Variants in TRIM55 observed in about 807,000 individuals in gnomAD.
TRIM55 encodes tripartite motif-containing protein 55.
TRIM55 carries 50 observed loss-of-function variants against 60.9 expected under a neutral mutation model. The observed-to-expected ratio is 0.82, with a 90% CI of 0.65 to 1.04. The LOEUF (loss-of-function observed/expected upper bound fraction) is 1.04. Ranked by LOEUF, TRIM55 falls within the 50% of genes least tolerant of loss-of-function variation. The pLI, the probability that TRIM55 is intolerant of heterozygous loss-of-function variation, is 0.00. For missense variants in TRIM55, 681 were observed against 666.9 expected (o/e 1.02, Z -0.23); for synonymous variants, 237 against 238.1 (o/e 1.00, Z 0.04).
chr8:66,135,176 C>T lies in TRIM55; in HGVS notation c.507+21C>T, dbSNP rs759504790. The T allele has an allele frequency of 3.7e-6, 6 of 1,613,816 alleles. No homozygotes were observed. In the East Asian group the frequency reaches 8.9e-5, roughly 24 times the overall value. On this transcript the variant is annotated intron_variant, in intron 3 of 9. Transcript: ENST00000315962. ...AGAAGGTAACAGAGCTGCTCCCTCC[C>T]TCCCGCAACCCCTCCCCATCCCCAC... is the stretch of plus-strand genomic sequence containing the variant.
chr8:66,162,108 G>C (rs1811085797), intron 9 of TRIM55, among the ~76,000 whole-genome samples: 1 of 151,944 alleles, frequency 6.6e-6, no homozygotes, highest in Non-Finnish European at 1.5e-5. Context: ...TTCTCAGGGG[G>C]GATGCTTTCA....
chr8:66,128,355 G>T lies in TRIM55; in HGVS notation c.220G>T (p.Gly74Cys), dbSNP rs1456913546. 6.2e-7 allele frequency: 1 copy of T among 1,613,462 alleles called. No individual in the cohort carries two copies. Among genetic ancestry groups the T allele is most frequent in the Non-Finnish European group, 8.5e-7 (1 of 1,179,670 alleles). ...TRGGTTMASG[G>C]RFRCPSCRHE... The stretch of plus-strand genomic sequence containing the variant: ...AGGAGGTACCACCATGGCATCAGGG[G>T]GCCGATTCCGCTGCCCATCCTGTAG... Residue 74 changes from glycine (G) to cysteine (C), a missense_variant, in exon 2 of 10, where the codon GGC (glycine) becomes TGC (cysteine). Transcript: ENST00000315962.
chr8:66,154,481 T>C, intron 9 of TRIM55, 147 bp downstream of exon 9: 1 of 893,960 alleles, frequency 1.1e-6, no homozygotes, highest in Non-Finnish European at 1.7e-6. Flanking sequence ...CATCCCCCAA[T>C]GTTGGCTTGT....
At position 66,150,233 on chromosome 8, in the gene TRIM55, T is replaced by TA. The variant is rs1354534266; in HGVS notation, c.860dup (p.Ile288AsnfsTer18). 1.9e-6 allele frequency: 3 copies of TA among 1,613,172 alleles called. No homozygotes were observed. Among genetic ancestry groups the TA allele is most frequent in the Non-Finnish European group, 1.7e-6 (2 of 1,179,490 alleles). Reference sequence around the variant, plus strand: ...CTTTCACAGAATGCCAAAACCCTGCTAAAAAAGTAAGAACTTTTTATTTTA... The same window carrying TA: ...CTTTCACAGAATGCCAAAACCCTGCTAAAAAAAGTAAGAACTTTTTATTTTA... On this transcript the variant is annotated frameshift_variant, in exon 6 of 10. Coordinates refer to ENST00000315962, the MANE Select transcript of TRIM55 (RefSeq NM_184085.2). LOFTEE classifies it high-confidence loss of function.
At chr8:66,157,665 G>C (rs1477512935) in intron 9 of TRIM55, among the ~76,000 whole-genome samples, 1 of 152,176 alleles carries the variant, frequency 6.6e-6, no homozygotes, top group African/African-American at 2.4e-5. Flanking sequence ...TTGCTGATCT[G>C]TAAACTACAT....
At chr8:66,130,926 G>A (rs1211961376) in intron 2 of TRIM55, among the ~76,000 whole-genome samples, 1 of 152,016 alleles carries the variant, frequency 6.6e-6, no homozygotes, top group Non-Finnish European at 1.5e-5. Context: ...TTCCCAAAGT[G>A]CTAGGATTAC....
At chr8:66,135,202 A>G in intron 3 of TRIM55, 47 bp downstream of exon 3, 1 of 1,596,938 alleles carries the variant, frequency 6.3e-7, no homozygotes, top group Non-Finnish European at 8.6e-7. Flanking sequence ...CCATCCCCAC[A>G]CCTTAGGGCC....
intron 9 of TRIM55, among the ~76,000 whole-genome samples, chr8:66,172,122 G>A (rs1329562344): frequency 6.6e-6 from 1 of 152,106 alleles, no homozygotes; most frequent in Non-Finnish European, 1.5e-5. Flanking sequence ...TAATATAAGT[G>A]AGGCATGTGT....
At chr8:66,114,518 C>A in the TRIM55 span, 1 of 456,196 alleles carries the variant, frequency 2.2e-6, no homozygotes, top group Non-Finnish European at 4.4e-6. Context: ...TGTATTATCA[C>A]TCAGAATCCT....
At position 66,127,230 on chromosome 8, in the gene TRIM55, G is replaced by A; in HGVS notation, c.-39G>A. On this transcript the variant is annotated 5_prime_UTR_variant, in exon 1 of 10. Coordinates refer to ENST00000315962, the MANE Select transcript of TRIM55 (RefSeq NM_184085.2). ...GAAACACTTGCTGGAGCCACTCGCA[G>A]CACCCTTCCCTGGCAGCACACTTGG... The A allele has an allele frequency of 6.3e-7, 1 of 1,592,426 alleles. No individual in the cohort carries two copies. The highest frequency in any genetic ancestry group is 1.1e-5 in the South Asian group (1 of 88,754).
chr8:66,154,853 G>T (rs1008843167), intron 9 of TRIM55, among the ~76,000 whole-genome samples: 6 of 152,226 alleles, frequency 3.9e-5, no homozygotes, highest in Admixed American at 3.9e-4. Context: ...GACAGAGACA[G>T]TCTTGGCTTG....
At chr8:66,130,354 C>T (rs1809065746) in intron 2 of TRIM55, among the ~76,000 whole-genome samples, 1 of 152,188 alleles carries the variant, frequency 6.6e-6, no homozygotes. Flanking sequence ...GAACTTGAGA[C>T]TTTCCTGTGG....
intron 6 of TRIM55, 30 bp from the exon 7 acceptor site, chr8:66,150,312 A>T: frequency 6.2e-7 from 1 of 1,614,130 alleles, no homozygotes; most frequent in Non-Finnish European, 8.5e-7. Context: ...TTCAACAGTG[A>T]CAGAAAGTGG....
At chr8:66,127,852 CA>C (rs1808907743) in intron 1 of TRIM55, among the ~76,000 whole-genome samples, 1 of 152,040 alleles carries the variant, frequency 6.6e-6, no homozygotes, top group East Asian at 1.9e-4. Flanking sequence ...GAAAAACAAA[CA>C]AACAAAAAAA....
At chr8:66,139,010 C>T (rs1296167506) in intron 4 of TRIM55, among the ~76,000 whole-genome samples, 3 of 152,158 alleles carry the variant, frequency 2.0e-5, no homozygotes, top group African/African-American at 7.2e-5. Context: ...TTCTTCTCCA[C>T]ACTCATATTC....
chr8:66,146,009 CAT>C (rs2128978479), intron 4 of TRIM55, among the ~76,000 whole-genome samples: 1 of 152,314 alleles, frequency 6.6e-6, no homozygotes, highest in African/African-American at 2.4e-5. Flanking sequence ...TCAGTTTCCA[CAT>C]GAGTGACATG....
chr8:66,148,554 A>T (rs1810230064), intron 4 of TRIM55, among the ~76,000 whole-genome samples: 1 of 152,338 alleles, frequency 6.6e-6, no homozygotes, highest in South Asian at 2.1e-4. Context: ...TGCAGTGGTG[A>T]CTTGGGGAAG....
Position 66,128,363 on chromosome 8 carries a change from C to G in TRIM55, c.228C>G (p.Phe76Leu), listed in dbSNP as rs781375784. 1 of 1,613,636 alleles carries G rather than the reference C, an allele frequency of 6.2e-7. No individual in the cohort carries two copies. Among genetic ancestry groups the G allele is most frequent in the Non-Finnish European group, 8.5e-7 (1 of 1,179,774 alleles). The change falls in exon 2 of 10, where the codon TTC (phenylalanine) becomes TTG (leucine). Residue 76 changes from phenylalanine to leucine, a missense_variant. Transcript: ENST00000315962. ...CCACCATGGCATCAGGGGGCCGATTCCGCTGCCCATCCTGTAGACATGAAG... is the reference window on the plus strand; with the variant it reads ...CCACCATGGCATCAGGGGGCCGATTGCGCTGCCCATCCTGTAGACATGAAG... ...GGTTMASGGR[F>L]RCPSCRHEVV...
the TRIM55 span, chr8:66,114,741 C>G: frequency 1.2e-5 from 5 of 417,018 alleles, no homozygotes; most frequent in South Asian, 8.7e-5. Flanking sequence ...TGGGCAGATC[C>G]GAGGTGGATA....
Sources: allele counts gnomAD v4.1 joint callset (sites outside exome capture counted in the v4.1 genomes callset), GRCh38; gene constraint gnomAD v4.1.1; transcripts MANE v1.5; gene names NCBI Gene and HGNC (gene_info 2026-07-23, HGNC 2026-07-21).